Variants in C19orf38 observed in about 807,000 individuals in gnomAD.
C19orf38 encodes chromosome 19 open reading frame 38, also known as protein HIDE1.
A neutral mutation model predicts 26.6 loss-of-function variants in C19orf38; 14 were observed. The ratio of observed to expected loss-of-function variants is 0.53; its 90% CI spans 0.35 to 0.82. The LOEUF (loss-of-function observed/expected upper bound fraction) is 0.82, where lower values mean the gene tolerates loss of function less well. Ranked by LOEUF, C19orf38 falls within the 40% of genes least tolerant of loss-of-function variation. The probability of loss-of-function intolerance (pLI) is 0.01; values close to 1 mark genes in which losing one functional copy is unlikely to be tolerated. For synonymous variants in C19orf38, 132 were observed against 128.5 expected (o/e 1.03, Z -0.18); for missense variants, 261 against 299.5 (o/e 0.87, Z 0.95).
chr19:10,869,501 G>A lies in C19orf38; in HGVS notation c.*134G>A. On this transcript the variant is annotated 3_prime_UTR_variant, in exon 7 of 7. Transcript: ENST00000397820. Reference sequence around the variant, plus strand: ...GGAAAGGAAGGGGAACCCTGGCCTTGGGATTTTCATCACAGAGGAGTGGGA... The same window carrying A: ...GGAAAGGAAGGGGAACCCTGGCCTTAGGATTTTCATCACAGAGGAGTGGGA... 1.6e-6 allele frequency: 2 copies of A among 1,271,724 alleles called. No individual in the cohort carries two copies. Among genetic ancestry groups the A allele is most frequent in the Non-Finnish European group, 2.1e-6 (2 of 951,804 alleles). The allele number at this position is 1,271,724 out of a possible 1,614,324, so 78.8% of individuals were successfully genotyped here.
At chr19:10,850,627 G>T (rs2073563486) in intron 2 of C19orf38, 60 bp downstream of exon 2, 23 of 1,512,508 alleles carry the variant, frequency 1.5e-5, no homozygotes, top group Non-Finnish European at 1.8e-5. Flanking sequence ...TGGACCTCTT[G>T]TGTGTACTGT....
At chr19:10,865,073 G>A (rs553800091) in intron 6 of C19orf38, among the ~76,000 whole-genome samples, 7 of 152,186 alleles carry the variant, frequency 4.6e-5, no homozygotes, top group Admixed American at 1.3e-4. Context: ...CAATCTAAAC[G>A]TTTCCATGAG....
intron 6 of C19orf38, among the ~76,000 whole-genome samples, chr19:10,866,823 T>C (rs954622469): frequency 6.6e-6 from 1 of 152,024 alleles, no homozygotes; most frequent in African/African-American, 2.4e-5. Flanking sequence ...GTATTTTTAG[T>C]AGATACAGGG....
At chr19:10,836,713 G>A (rs763004919) in exon 1 of C19orf38, 1 of 153,426 alleles carries the variant, frequency 6.5e-6, no homozygotes, top group Non-Finnish European at 1.5e-5. Flanking sequence ...TGCTCTGTGA[G>A]CGTGGTCCAG....
At chr19:10,864,533 G>A (rs917388672) in intron 6 of C19orf38, among the ~76,000 whole-genome samples, 7 of 152,120 alleles carry the variant, frequency 4.6e-5, no homozygotes, top group East Asian at 1.9e-4. Flanking sequence ...CTGGGATCCC[G>A]GAAGGGTTCC....
chr19:10,863,287 G>C (rs944503844), intron 6 of C19orf38, 80 bp downstream of exon 6: 3 of 1,455,566 alleles, frequency 2.1e-6, no homozygotes, highest in Non-Finnish European at 2.8e-6. Flanking sequence ...GGGGCACCAC[G>C]AGGCTAAGTT....
chr19:10,868,949 G>A (rs184398977), intron 6 of C19orf38, among the ~76,000 whole-genome samples: 3 of 152,338 alleles, frequency 2.0e-5, no homozygotes, highest in East Asian at 3.9e-4. Context: ...TGCAGAAGGG[G>A]AAACTGAGGT....
upstream of C19orf38, among the ~76,000 whole-genome samples, chr19:10,846,272 C>G (rs2073516472): frequency 6.6e-6 from 1 of 151,834 alleles, no homozygotes; most frequent in South Asian, 2.1e-4. Flanking sequence ...TCTCAGCTCA[C>G]TGCAAGCTCT....
upstream of C19orf38, among the ~76,000 whole-genome samples, chr19:10,845,203 A>C (rs892199665): frequency 6.6e-6 from 1 of 151,986 alleles, no homozygotes; most frequent in Non-Finnish European, 1.5e-5. Flanking sequence ...TAAATTCAAG[A>C]ATATTCTGTG....
At chr19:10,842,825 T>C (rs1437421399) in intron 1 of C19orf38, among the ~76,000 whole-genome samples, 1 of 152,038 alleles carries the variant, frequency 6.6e-6, no homozygotes, top group East Asian at 1.9e-4. Flanking sequence ...CGGGGACATC[T>C]ATGGCCGGCA....
At chr19:10,837,537 C>T (rs1390523997) in intron 1 of C19orf38, among the ~76,000 whole-genome samples, 1 of 115,810 alleles carries the variant, frequency 8.6e-6, no homozygotes, top group Non-Finnish European at 1.7e-5. Flanking sequence ...GACAGAGTCT[C>T]CCTCTGTTGC....
chr19:10,842,814 C>T (rs924332113), intron 1 of C19orf38, among the ~76,000 whole-genome samples: 2 of 152,192 alleles, frequency 1.3e-5, no homozygotes, highest in African/African-American at 4.8e-5. Context: ...ACTTTGCCAG[C>T]CGGGGACATC....
chr19:10,862,059 C>T (rs1483853483), intron 5 of C19orf38, among the ~76,000 whole-genome samples: 3 of 151,920 alleles, frequency 2.0e-5, no homozygotes, highest in South Asian at 2.1e-4. Flanking sequence ...CCACCACACC[C>T]GGCTAATTTT....
At chr19:10,847,041 GGT>G (rs148145704), upstream of C19orf38, among the ~76,000 whole-genome samples, 52 of 152,262 alleles carry the variant, frequency 3.4e-4, no homozygotes, top group African/African-American at 1.2e-3. Context: ...GACGCATTTT[GGT>G]GTTTGATGAC....
chr19:10,842,540 G>A (rs935801520), intron 1 of C19orf38, among the ~76,000 whole-genome samples: 4 of 152,010 alleles, frequency 2.6e-5, no homozygotes, highest in African/African-American at 7.2e-5. Flanking sequence ...GATTACAGGC[G>A]TGAGCCACTG....
chr19:10,845,368 C>T (rs748361055), upstream of C19orf38, among the ~76,000 whole-genome samples: 2 of 151,980 alleles, frequency 1.3e-5, no homozygotes, highest in Non-Finnish European at 2.9e-5. Context: ...ATTATATGAC[C>T]ACAAAGGAGT....
chr19:10,859,880 T>C (rs1177311900), intron 4 of C19orf38, 35 bp from the exon 5 acceptor site: 2 of 1,547,500 alleles, frequency 1.3e-6, no homozygotes, highest in Non-Finnish European at 1.7e-6. Flanking sequence ...GGGGCAACCC[T>C]GATCCCTGTC....
chr19:10,858,250 A>AAAC, intron 3 of C19orf38, 66 bp from the exon 4 acceptor site: 1 of 1,272,028 alleles, frequency 7.9e-7, no homozygotes, highest in Non-Finnish European at 1.1e-6. Context: ...AAAAAAAAAA[A>AAAC]AACAGAAATT....
At chr19:10,859,369 TATATATATATATATA>T (rs1452266330) in intron 4 of C19orf38, among the ~76,000 whole-genome samples, 698 of 61,232 alleles carry the variant, frequency 0.011, 18 homozygotes, top group African/African-American at 0.058. Context: ...TATATATATA[TATATATATATATATA>T]TTTTTTTTTT....
Sources: allele counts gnomAD v4.1 joint callset (sites outside exome capture counted in the v4.1 genomes callset), GRCh38; gene constraint gnomAD v4.1.1; transcripts MANE v1.5; gene names NCBI Gene and HGNC (gene_info 2026-07-23, HGNC 2026-07-21).